The following TRAPPC9 variants were observed in gnomAD, a reference collection of about 807,000 sequenced individuals.
TRAPPC9 encodes trafficking protein particle complex subunit 9.
A neutral mutation model predicts 124.0 loss-of-function variants in TRAPPC9; 83 were observed. The observed-to-expected ratio is 0.67, with a 90% CI of 0.56 to 0.80. TRAPPC9 has a LOEUF of 0.80. Among genes scored for constraint, TRAPPC9 ranks in the 30% least tolerant of loss-of-function variants. The pLI, the probability that TRAPPC9 is intolerant of heterozygous loss-of-function variation, is 0.00. For missense variants in TRAPPC9, 1,302 were observed against 1,508.3 expected (o/e 0.86, Z 2.27); for synonymous variants, 638 against 617.5 (o/e 1.03, Z -0.49).
intron 3 of TRAPPC9, among the ~76,000 whole-genome samples, chr8:140,435,843 C>A (rs1427181136): frequency 1.3e-5 from 2 of 152,158 alleles, no homozygotes; most frequent in Admixed American, 6.6e-5. Flanking sequence ...ATGCCACATG[C>A]CTTAGAAGGT....
intron 17 of TRAPPC9, among the ~76,000 whole-genome samples, chr8:140,167,137 A>T (rs1399569354): frequency 8.1e-6 from 1 of 123,528 alleles, no homozygotes; most frequent in Non-Finnish European, 1.7e-5. Context: ...GTGACAGTTC[A>T]TAGCTTTCAA....
At chr8:140,287,259 G>T (rs940145597) in intron 13 of TRAPPC9, among the ~76,000 whole-genome samples, 1 of 152,124 alleles carries the variant, frequency 6.6e-6, no homozygotes, top group East Asian at 1.9e-4. Context: ...AGGGTTAAAG[G>T]CCCTCTGCAA....
intron 17 of TRAPPC9, among the ~76,000 whole-genome samples, chr8:140,195,737 C>G (rs1221209205): frequency 6.6e-6 from 1 of 151,910 alleles, no homozygotes; most frequent in Non-Finnish European, 1.5e-5. Context: ...GACACTAAAA[C>G]ACTCAGCAAT....
At chr8:139,774,893 C>T (rs956866042) in intron 21 of TRAPPC9, among the ~76,000 whole-genome samples, 3 of 152,172 alleles carry the variant, frequency 2.0e-5, no homozygotes, top group African/African-American at 7.2e-5. Flanking sequence ...CGGAGGGGGA[C>T]AGAGAACACA....
chr8:140,098,805 G>A (rs942497883), intron 17 of TRAPPC9: 1 of 149,950 alleles, frequency 6.7e-6, no homozygotes, highest in African/African-American at 2.5e-5. Context: ...CTCCGCAGCT[G>A]TCCGCAGGGG....
Position 140,183,852 on chromosome 8 carries a change from C to CA in TRAPPC9, c.2556+37606dup, listed in dbSNP as rs1203981547. On this transcript the variant is annotated intron_variant, in intron 17 of 22. Coordinates refer to ENST00000438773, the MANE Select transcript of TRAPPC9 (RefSeq NM_001160372.4). ...CCTGAGTGACAGAATGAGACTTTGT[C>CA]AAAAAAAAAAAAGAAGAAGAAGAAG... is the stretch of plus-strand genomic sequence containing the variant. Among the ~76,000 whole-genome samples the CA allele has an allele frequency of 2.0e-4, 11 of 55,740 alleles. No homozygotes were observed. The East Asian group carries it at 2.6e-3, about 13-fold the overall frequency. The allele number at this position is 55,740 out of a possible 152,430, so 36.6% of individuals were successfully genotyped here.
chr8:139,736,681 G>A (rs1335269651), intron 21 of TRAPPC9, among the ~76,000 whole-genome samples: 1 of 152,246 alleles, frequency 6.6e-6, no homozygotes, highest in East Asian at 1.9e-4. Flanking sequence ...TGACCGTGAT[G>A]ATGATGGCGG....
chr8:140,188,562 C>T (rs995204164), intron 17 of TRAPPC9, among the ~76,000 whole-genome samples: 2 of 152,232 alleles, frequency 1.3e-5, no homozygotes, highest in African/African-American at 2.4e-5. Context: ...ACCCCTCCAA[C>T]TCTGACCTTG....
intron 19 of TRAPPC9, among the ~76,000 whole-genome samples, chr8:139,928,507 A>G (rs961063013): frequency 3.3e-5 from 5 of 151,956 alleles, no homozygotes; most frequent in Non-Finnish European, 7.4e-5. Context: ...AAAAAAGAAA[A>G]TAACAAAAGA....
chr8:139,877,847 C>T (rs547046830), intron 21 of TRAPPC9, among the ~76,000 whole-genome samples: 14 of 152,340 alleles, frequency 9.2e-5, no homozygotes, highest in Non-Finnish European at 1.6e-4. Context: ...GTTCACAGGA[C>T]TTGACCATCA....
intron 17 of TRAPPC9, among the ~76,000 whole-genome samples, chr8:140,173,535 C>T (rs2062006401): frequency 7.8e-6 from 1 of 128,870 alleles, no homozygotes; most frequent in South Asian, 2.5e-4. Flanking sequence ...GCCTGGGCGA[C>T]AGAGCAAGAC....
At chr8:140,315,233 C>CTTTTTTT (rs61220260) in intron 9 of TRAPPC9, among the ~76,000 whole-genome samples, 4 of 107,168 alleles carry the variant, frequency 3.7e-5, no homozygotes, top group African/African-American at 1.4e-4. Context: ...ATTTGTATGT[C>CTTTTTTT]TTTTTTTTTT....
At chr8:140,158,095 C>G (rs1279046553) in intron 17 of TRAPPC9, among the ~76,000 whole-genome samples, 1 of 152,140 alleles carries the variant, frequency 6.6e-6, no homozygotes, top group Non-Finnish European at 1.5e-5. Flanking sequence ...ATATATACAT[C>G]TTGGTGCATT....
chr8:140,201,064 C>T (rs143181285), intron 17 of TRAPPC9, among the ~76,000 whole-genome samples: 1 of 152,192 alleles, frequency 6.6e-6, no homozygotes, highest in Non-Finnish European at 1.5e-5. Flanking sequence ...ATTCTAACGC[C>T]GGATGCAGGG....
At chr8:140,268,216 T>G (rs370595198) in intron 15 of TRAPPC9, among the ~76,000 whole-genome samples, 12 of 88,660 alleles carry the variant, frequency 1.4e-4, no homozygotes, top group South Asian at 5.7e-4. Flanking sequence ...ATCCTATACT[T>G]TCTCCTATAG....
At chr8:140,233,128 T>G (rs562812016) in intron 16 of TRAPPC9, among the ~76,000 whole-genome samples, 40 of 152,202 alleles carry the variant, frequency 2.6e-4, no homozygotes, top group Non-Finnish European at 5.0e-4. Flanking sequence ...GTCTCCAAAG[T>G]AAAGGCTCAC....
At chr8:140,033,138 T>C (rs529717403) in intron 17 of TRAPPC9, among the ~76,000 whole-genome samples, 2 of 152,368 alleles carry the variant, frequency 1.3e-5, no homozygotes, top group East Asian at 3.9e-4. Flanking sequence ...TACGAAATCA[T>C]GTCTGCAGAC....
At chr8:140,448,674 G>A (rs12677057) in intron 2 of TRAPPC9, among the ~76,000 whole-genome samples, 68,696 of 152,104 alleles carry the variant, frequency 0.45, 15,953 homozygotes, top group East Asian at 0.53. Context: ...ACTCCCTGCC[G>A]ACCTGGCAGG....
intron 8 of TRAPPC9, among the ~76,000 whole-genome samples, chr8:140,363,184 G>C: frequency 6.6e-6 from 1 of 152,124 alleles, no homozygotes; most frequent in Middle Eastern, 3.2e-3. Context: ...CCCTCGTCCA[G>C]GAAAAGGCAT....
Sources: allele counts gnomAD v4.1 joint callset (sites outside exome capture counted in the v4.1 genomes callset), GRCh38; gene constraint gnomAD v4.1.1; transcripts MANE v1.5; gene names NCBI Gene and HGNC (gene_info 2026-07-23, HGNC 2026-07-21).